DBT: variants seen among roughly 807,000 people sequenced by gnomAD.
The protein encoded by DBT is lipoamide acyltransferase component of branched-chain alpha-keto acid dehydrogenase complex, mitochondrial.
In DBT, 40 loss-of-function variants were observed where a neutral mutation model predicts 51.3. The observed-to-expected ratio is 0.78, with a 90% CI of 0.61 to 1.02. The LOEUF is 1.02. DBT is among the 50% of genes least tolerant of loss of function. The pLI, the probability that DBT is intolerant of heterozygous loss-of-function variation, is 0.00. For missense variants in DBT, 510 were observed against 580.2 expected, an observed-to-expected ratio of 0.88 and a Z score of 1.24; for synonymous variants, 181 against 190.4, an observed-to-expected ratio of 0.95 and a Z score of 0.41.
rs536691434 is a variant in DBT at position 100,223,368 on chromosome 1, G to A, written c.434-4621C>T. 3.3e-5 allele frequency among the ~76,000 whole-genome samples: 5 copies of A among 152,236 alleles called. No homozygotes were observed. The East Asian group carries it at 9.6e-4, about 29-fold the overall frequency. On this transcript the variant is annotated intron_variant, in intron 4 of 10. Coordinates refer to ENST00000370132, the MANE Select transcript of DBT (RefSeq NM_001918.5). ...AGGTAACACAATTTAAACTGAGTTGGTTTTAGTTTTGTTTTGGTTTTGAGA... is the reference window on the plus strand; with the variant it reads ...AGGTAACACAATTTAAACTGAGTTGATTTTAGTTTTGTTTTGGTTTTGAGA...
rs1347694905 is a variant in DBT at position 100,216,161 on chromosome 1, G to A, written c.594C>T (p.Gly198=). ...TGAGGATATCTTCTTTAAGTATTCT[G>A]CCATCTTTTCCTGAGCCAACAACTT... ...LSEVVGSGKD[G]RILKEDILNY... Residue 198 remains glycine (G), a synonymous_variant, in exon 6 of 11, where the codon GGC becomes GGT. Coordinates refer to ENST00000370132, the MANE Select transcript of DBT (RefSeq NM_001918.5). The A allele has an allele frequency of 1.2e-6, 2 of 1,613,670 alleles. No individual in the cohort carries two copies. The highest frequency in any genetic ancestry group is 2.7e-5 in the African/African-American group (2 of 74,886).
At chr1:100,211,439 C>T (rs1008679419) in intron 7 of DBT, among the ~76,000 whole-genome samples, 66 of 152,290 alleles carry the variant, frequency 4.3e-4, no homozygotes, top group African/African-American at 1.5e-3. Flanking sequence ...AATCAAGTTT[C>T]ATACCTTACA....
At chr1:100,196,863 GGAC>G in intron 10 of DBT, 1 of 196,812 alleles carries the variant, frequency 5.1e-6, no homozygotes, top group Admixed American at 5.3e-5. Context: ...GAAGAAGACA[GGAC>G]AACAACATGC....
intron 5 of DBT, among the ~76,000 whole-genome samples, chr1:100,217,584 T>C (rs1336151465): frequency 6.6e-6 from 1 of 152,232 alleles, no homozygotes; most frequent in Non-Finnish European, 1.5e-5. Flanking sequence ...AATGACTCTA[T>C]TACATATTTC....
chr1:100,208,406 T>C (rs1180577987), intron 8 of DBT, among the ~76,000 whole-genome samples: 1 of 152,132 alleles, frequency 6.6e-6, no homozygotes, highest in African/African-American at 2.4e-5. Flanking sequence ...GGAGAACATA[T>C]GACAACATGA....
rs1219793098 is a variant in DBT, at chr1:100,243,046, G to A, written c.52-2162C>T. On this transcript the variant is annotated intron_variant, in intron 1 of 10. Transcript: ENST00000370132. ...TTTGGGAGGCTGAGGTGAGTGGATT[G>A]CTTGAGGTCAAGAGTTTGAGACCAG... 2.6e-5 allele frequency among the ~76,000 whole-genome samples: 4 copies of A among 151,930 alleles called. No homozygotes were observed. In the East Asian group the frequency reaches 5.9e-4, roughly 22 times the overall value.
intron 4 of DBT, among the ~76,000 whole-genome samples, chr1:100,226,049 T>C (rs1274036026): frequency 1.3e-5 from 2 of 152,096 alleles, no homozygotes; most frequent in African/African-American, 2.4e-5. Context: ...CTTGTTCATA[T>C]AAATAACTTG....
At chr1:100,214,040 G>A (rs1045944693) in intron 7 of DBT, among the ~76,000 whole-genome samples, 5 of 151,690 alleles carry the variant, frequency 3.3e-5, no homozygotes, top group Admixed American at 1.3e-4. Context: ...TCACTAATGT[G>A]AGCTAGACTG....
intron 10 of DBT, among the ~76,000 whole-genome samples, chr1:100,202,827 C>T (rs1323191044): frequency 3.3e-5 from 5 of 152,198 alleles, no homozygotes; most frequent in Non-Finnish European, 7.3e-5. Flanking sequence ...TCTTGAATGA[C>T]TGCTGGGTAA....
At chr1:100,245,437 G>A (rs1311732846) in intron 1 of DBT, among the ~76,000 whole-genome samples, 1 of 152,120 alleles carries the variant, frequency 6.6e-6, no homozygotes, top group African/African-American at 2.4e-5. Context: ...TTTTATATTT[G>A]AAGCAATTCT....
chr1:100,241,682 C>A (rs1664219879), intron 1 of DBT, among the ~76,000 whole-genome samples: 1 of 152,152 alleles, frequency 6.6e-6, no homozygotes, highest in Admixed American at 6.5e-5. Context: ...CAGGTGCGAG[C>A]CACCATGCCA....
chr1:100,202,387 C>G (rs746251780), intron 10 of DBT, among the ~76,000 whole-genome samples: 11 of 152,136 alleles, frequency 7.2e-5, no homozygotes, highest in Non-Finnish European at 1.2e-4. Flanking sequence ...GCACCCAATA[C>G]AGGAGCATCC....
chr1:100,242,379 A>G (rs1045342404), intron 1 of DBT, among the ~76,000 whole-genome samples: 15 of 152,186 alleles, frequency 9.9e-5, no homozygotes, highest in African/African-American at 3.6e-4. Context: ...TGACAAGAAC[A>G]ATACATTTAA....
At chr1:100,243,786 C>A (rs1664371171) in intron 1 of DBT, among the ~76,000 whole-genome samples, 1 of 151,828 alleles carries the variant, frequency 6.6e-6, no homozygotes, top group South Asian at 2.1e-4. Context: ...TGTCAAAGAC[C>A]CTAGAAATAG....
intron 10 of DBT, among the ~76,000 whole-genome samples, chr1:100,197,489 T>A (rs569024570): frequency 6.6e-6 from 1 of 152,212 alleles, no homozygotes; most frequent in Non-Finnish European, 1.5e-5. Context: ...CCAAGCAAGA[T>A]ATAAGAGTAA....
chr1:100,246,501 C>G (rs77828675), intron 1 of DBT, among the ~76,000 whole-genome samples: 27 of 152,250 alleles, frequency 1.8e-4, no homozygotes, highest in African/African-American at 6.0e-4. Flanking sequence ...AAGACAGACA[C>G]AACAGAAAAA....
intron 10 of DBT, among the ~76,000 whole-genome samples, chr1:100,198,508 C>T (rs980532544): frequency 3.3e-5 from 5 of 152,252 alleles, no homozygotes; most frequent in Admixed American, 6.5e-5. Context: ...TATTTTACCA[C>T]AATTATATAC....
At chr1:100,244,687 T>C (rs965957675) in intron 1 of DBT, among the ~76,000 whole-genome samples, 6 of 152,128 alleles carry the variant, frequency 3.9e-5, no homozygotes, top group Non-Finnish European at 8.8e-5. Flanking sequence ...TAAAGTTTAA[T>C]TTATAAATCA....
intron 2 of DBT, among the ~76,000 whole-genome samples, chr1:100,238,215 C>T (rs1448872177): frequency 1.8e-4 from 24 of 131,952 alleles, no homozygotes; most frequent in Admixed American, 1.5e-3. Flanking sequence ...CTTCCTCCCT[C>T]GCTTCCTTTC....
Sources: gnomAD v4.1 joint callset for allele counts (sites outside exome capture counted in the v4.1 genomes callset) on GRCh38, gnomAD v4.1.1 for gene constraint, MANE v1.5 for transcripts, NCBI Gene and HGNC (gene_info 2026-07-23, HGNC 2026-07-21) for gene names.